LRRC4C: variants seen among roughly 807,000 people sequenced by gnomAD.
LRRC4C encodes leucine rich repeat containing 4C.
In LRRC4C, 5 loss-of-function variants were observed where a neutral mutation model predicts 33.6. That is an observed-to-expected ratio of 0.15 (90% confidence interval 0.08 to 0.31). The LOEUF is 0.31. LRRC4C is among the 10% of genes least tolerant of loss of function. LRRC4C has a pLI of 1.00. For synonymous variants in LRRC4C, 329 were observed against 302.0 expected (o/e 1.09, Z -0.93); for missense variants, 560 against 796.7 (o/e 0.70, Z 3.58).
chr11:41,204,230 G>A (rs1044210072), intron 1 of LRRC4C, among the ~76,000 whole-genome samples: 1 of 152,174 alleles, frequency 6.6e-6, no homozygotes, highest in Non-Finnish European at 1.5e-5. Flanking sequence ...ATCCACACAA[G>A]CATTTTATTG....
At chr11:40,523,054 A>C (rs916815509) in intron 3 of LRRC4C, among the ~76,000 whole-genome samples, 1 of 152,178 alleles carries the variant, frequency 6.6e-6, no homozygotes, top group Non-Finnish European at 1.5e-5. Context: ...TTTTCGTTGC[A>C]TACTTAACAG....
chr11:40,716,701 C>T (rs73471318), intron 2 of LRRC4C, among the ~76,000 whole-genome samples: 28,788 of 152,052 alleles, frequency 0.19, 3,064 homozygotes, highest in African/African-American at 0.28. Flanking sequence ...GCCTTAAAAC[C>T]ATACTGAAAA....
In LRRC4C at chr11:40,454,899, C is replaced by T. The variant is rs527342998; in HGVS notation, c.-269-135178G>A. Among the ~76,000 whole-genome samples the T allele has an allele frequency of 1.4e-4, 21 of 152,036 alleles. No individual in the cohort carries two copies. In the South Asian group the frequency reaches 2.5e-3, roughly 18 times the overall value. On this transcript the variant is annotated intron_variant, in intron 3 of 6. Transcript: ENST00000528697. ...TACTTAGTTTTTATCAGTAATAAAGCTTACATGTGTTTCCTGCTTCAGTTT... is the reference window on the plus strand; with the variant it reads ...TACTTAGTTTTTATCAGTAATAAAGTTTACATGTGTTTCCTGCTTCAGTTT...
chr11:40,936,423 C>T (rs557378641), intron 1 of LRRC4C, among the ~76,000 whole-genome samples: 3 of 149,540 alleles, frequency 2.0e-5, no homozygotes, highest in Non-Finnish European at 1.5e-5. Context: ...CTGCAAGCTC[C>T]GCCTCCCAGG....
chr11:41,393,956 T>G (rs1489312948), intron 1 of LRRC4C, among the ~76,000 whole-genome samples: 2 of 151,988 alleles, frequency 1.3e-5, no homozygotes, highest in Non-Finnish European at 2.9e-5. Flanking sequence ...GTGATAATTT[T>G]TTTTAAGTAG....
At chr11:41,134,852 T>C (rs934873122) in intron 1 of LRRC4C, among the ~76,000 whole-genome samples, 1 of 151,918 alleles carries the variant, frequency 6.6e-6, no homozygotes, top group Non-Finnish European at 1.5e-5. Flanking sequence ...TAATAACAGG[T>C]GGGTAAAAAG....
chr11:40,555,724 G>A (rs981835440), intron 3 of LRRC4C, among the ~76,000 whole-genome samples: 10 of 152,046 alleles, frequency 6.6e-5, no homozygotes, highest in African/African-American at 1.7e-4. Context: ...TATATTTTTC[G>A]TGACATCCAC....
intron 1 of LRRC4C, among the ~76,000 whole-genome samples, chr11:41,097,533 C>A (rs1384136159): frequency 2.0e-5 from 3 of 152,062 alleles, no homozygotes; most frequent in African/African-American, 2.4e-5. Flanking sequence ...CCCAGAAGAT[C>A]TCTAAAAATA....
chr11:40,280,536 G>A (rs1362241888), intron 4 of LRRC4C, among the ~76,000 whole-genome samples: 1 of 152,088 alleles, frequency 6.6e-6, no homozygotes, highest in African/African-American at 2.4e-5. Context: ...CCCTTGGCAG[G>A]AAAGTAAGCT....
At position 40,991,593 on chromosome 11, in the gene LRRC4C, A is replaced by T. The variant is rs538005223; in HGVS notation, c.-495-57870T>A. On this transcript the variant is annotated intron_variant, in intron 1 of 6. Coordinates refer to ENST00000528697, the MANE Select transcript of LRRC4C (RefSeq NM_001258419.2). Reference sequence around the variant, plus strand: ...AATGAAATAATTATATAATTCACCAAAATGTAGAATCAGTGGGAGCCCTGG... The same window carrying T: ...AATGAAATAATTATATAATTCACCATAATGTAGAATCAGTGGGAGCCCTGG... Among the ~76,000 whole-genome samples the T allele has an allele frequency of 1.2e-4, 18 of 152,316 alleles. No individual in the cohort carries two copies. In the South Asian group the frequency reaches 3.5e-3, roughly 30 times the overall value.
intron 1 of LRRC4C, among the ~76,000 whole-genome samples, chr11:41,238,818 C>T (rs1463470704): frequency 6.6e-6 from 1 of 152,134 alleles, no homozygotes; most frequent in Non-Finnish European, 1.5e-5. Flanking sequence ...ACTCTACGAT[C>T]TTGGACAAAG....
At chr11:40,495,347 C>A (rs1158798672) in intron 3 of LRRC4C, among the ~76,000 whole-genome samples, 5 of 152,114 alleles carry the variant, frequency 3.3e-5, no homozygotes, top group Admixed American at 6.6e-5. Context: ...GACCAAATAT[C>A]TTCCCTGCAG....
chr11:40,392,927 T>C (rs1414026612), intron 3 of LRRC4C, among the ~76,000 whole-genome samples: 5 of 152,112 alleles, frequency 3.3e-5, no homozygotes, highest in African/African-American at 7.2e-5. Context: ...CAGGGCTCAG[T>C]TCTTGTCTTG....
At chr11:40,438,045 T>C (rs1457495772) in intron 3 of LRRC4C, among the ~76,000 whole-genome samples, 2 of 152,202 alleles carry the variant, frequency 1.3e-5, no homozygotes, top group African/African-American at 4.8e-5. Flanking sequence ...GCCCTTGAAG[T>C]GACCTTCATG....
intron 2 of LRRC4C, among the ~76,000 whole-genome samples, chr11:40,871,015 C>T (rs973491318): frequency 6.6e-6 from 1 of 152,050 alleles, no homozygotes; most frequent in African/African-American, 2.4e-5. Context: ...GCGGGGCGGC[C>T]GTCTTTTATG....
At chr11:40,133,311 C>T (rs780710464) in intron 6 of LRRC4C, among the ~76,000 whole-genome samples, 3 of 152,040 alleles carry the variant, frequency 2.0e-5, no homozygotes, top group South Asian at 2.1e-4. Context: ...CAAGGCAATC[C>T]GAAGAGAACA....
intron 3 of LRRC4C, among the ~76,000 whole-genome samples, chr11:40,452,496 A>T (rs1199407778): frequency 1.7e-4 from 26 of 152,318 alleles, no homozygotes; most frequent in South Asian, 6.2e-4. Flanking sequence ...ATCTCACACC[A>T]GTTAGAATGG....
At chr11:40,692,009 C>G (rs903381790) in intron 2 of LRRC4C, among the ~76,000 whole-genome samples, 1 of 151,948 alleles carries the variant, frequency 6.6e-6, no homozygotes, top group African/African-American at 2.4e-5. Context: ...GTGACCAGAC[C>G]TTTTTCTTTC....
intron 1 of LRRC4C, among the ~76,000 whole-genome samples, chr11:41,293,605 T>G (rs1362649398): frequency 6.6e-6 from 1 of 152,046 alleles, no homozygotes; most frequent in Non-Finnish European, 1.5e-5. Context: ...TTATTTTATT[T>G]TATTTTTTGA....
Sources: gnomAD v4.1 joint callset for allele counts (sites outside exome capture counted in the v4.1 genomes callset) on GRCh38, gnomAD v4.1.1 for gene constraint, MANE v1.5 for transcripts, NCBI Gene and HGNC (gene_info 2026-07-23, HGNC 2026-07-21) for gene names.